Variants in DCAF17 observed in about 807,000 individuals in gnomAD.
DCAF17 encodes the protein DDB1 and CUL4 associated factor 17, also known as DDB1- and CUL4-associated factor 17.
In DCAF17, 48 loss-of-function variants were observed where a neutral mutation model predicts 66.0. The observed-to-expected ratio is 0.73, with a 90% confidence interval of 0.58 to 0.92. The LOEUF is 0.92. Among genes scored for constraint, DCAF17 ranks in the 40% least tolerant of loss-of-function variants. The pLI is 0.00. For synonymous variants in DCAF17, 206 were observed against 214.6 expected (o/e 0.96, Z 0.35); for missense variants, 562 against 622.8 (o/e 0.90, Z 1.04).
chr2:171,436,633 ATT>A (rs79275087), intron 2 of DCAF17, among the ~76,000 whole-genome samples: 227 of 144,524 alleles, frequency 1.6e-3, no homozygotes, highest in African/African-American at 2.7e-3. Flanking sequence ...CCACTTGTAA[ATT>A]TTTTTTTTTT....
At chr2:171,450,726 A>G (rs1051253176) in intron 5 of DCAF17, among the ~76,000 whole-genome samples, 2 of 152,114 alleles carry the variant, frequency 1.3e-5, no homozygotes, top group African/African-American at 4.8e-5. Context: ...AATTTGAACT[A>G]CTTCAGCTGT....
chr2:171,483,168 TCCCAGCTCGCCAGA>T lies in DCAF17; in HGVS notation c.*2055_*2068del, dbSNP rs1488140904. On this transcript the variant is annotated 3_prime_UTR_variant, in exon 14 of 14. Coordinates refer to ENST00000375255, the MANE Select transcript of DCAF17 (RefSeq NM_025000.4). ...ATAGCGAGAGACAATGAAGCATGCTTCCCAGCTCGCCAGAGTGTCACACAGCTGCTCATTCTGCC... is the reference window on the plus strand; with the variant it reads ...ATAGCGAGAGACAATGAAGCATGCTTGTGTCACACAGCTGCTCATTCTGCC... The T allele has an allele frequency of 8.8e-6, 4 of 453,984 alleles. No homozygotes were observed. The highest frequency in any genetic ancestry group is 1.8e-5 in the Non-Finnish European group (4 of 226,796). The allele number at this position is 453,984 out of a possible 1,614,324, so 28.1% of individuals were successfully genotyped here.
At chr2:171,480,709 A>G (rs1475656268) in intron 13 of DCAF17, among the ~76,000 whole-genome samples, 1 of 152,208 alleles carries the variant, frequency 6.6e-6, no homozygotes, top group Admixed American at 6.5e-5. Context: ...ACACAGTGAG[A>G]TAGATAATAG....
Position 171,483,656 on chromosome 2 carries a change from T to A in DCAF17, c.*2542T>A, listed in dbSNP as rs1242746328. Reference sequence around the variant, plus strand: ...GTTTTGTATCTTACAGTTCTTTTTTTAAATAATATATTTATTGAGCACTTT... The same window carrying A: ...GTTTTGTATCTTACAGTTCTTTTTTAAAATAATATATTTATTGAGCACTTT... On this transcript the variant is annotated 3_prime_UTR_variant, in exon 14 of 14. Coordinates refer to ENST00000375255, the MANE Select transcript of DCAF17 (RefSeq NM_025000.4). The A allele has an allele frequency of 2.2e-6, 1 of 453,786 alleles. No individual in the cohort carries two copies. The highest frequency in any genetic ancestry group is 4.4e-6 in the Non-Finnish European group (1 of 226,774). 28.1% of individuals were successfully genotyped at this position (453,786 alleles called of 1,614,324 possible).
At chr2:171,460,177 G>A (rs1695495483) in intron 8 of DCAF17, among the ~76,000 whole-genome samples, 2 of 151,916 alleles carry the variant, frequency 1.3e-5, no homozygotes, top group Admixed American at 1.3e-4. Flanking sequence ...ACAAAAATTA[G>A]CTAGGCACGG....
chr2:171,435,261 G>A, intron 2 of DCAF17, 75 bp downstream of exon 2: 1 of 1,103,646 alleles, frequency 9.1e-7, no homozygotes, highest in Non-Finnish European at 1.4e-6. Flanking sequence ...AGAACCACAT[G>A]CCTACATTAG....
chr2:171,436,960 G>T (rs774240323), intron 2 of DCAF17, among the ~76,000 whole-genome samples: 1 of 151,958 alleles, frequency 6.6e-6, no homozygotes, highest in East Asian at 1.9e-4. Context: ...TTTTGGTAGA[G>T]ACCGGGTTTC....
At chr2:171,449,472 T>C (rs1694824144) in intron 4 of DCAF17, among the ~76,000 whole-genome samples, 1 of 152,244 alleles carries the variant, frequency 6.6e-6, no homozygotes, top group South Asian at 2.1e-4. Context: ...GTCTGCTGTG[T>C]ACAATCCAAG....
intron 5 of DCAF17, among the ~76,000 whole-genome samples, chr2:171,452,734 A>C (rs1695027659): frequency 6.6e-6 from 1 of 152,178 alleles, no homozygotes; most frequent in Non-Finnish European, 1.5e-5. Flanking sequence ...AAAGGGCTGG[A>C]ATTATAGGCG....
At chr2:171,444,366 AT>A (rs1479084877) in intron 3 of DCAF17, among the ~76,000 whole-genome samples, 1 of 152,216 alleles carries the variant, frequency 6.6e-6, no homozygotes, top group Non-Finnish European at 1.5e-5. Context: ...ATGCTCCAAA[AT>A]TCAAAACTTT....
intron 3 of DCAF17, among the ~76,000 whole-genome samples, chr2:171,444,374 C>G (rs979948051): frequency 6.6e-5 from 10 of 152,126 alleles, no homozygotes; most frequent in African/African-American, 2.2e-4. Context: ...AAATTCAAAA[C>G]TTTTTGAATG....
At chr2:171,458,110 G>C (rs926582246) in intron 7 of DCAF17, 35 bp downstream of exon 7, 1 of 1,554,474 alleles carries the variant, frequency 6.4e-7, no homozygotes, top group Admixed American at 1.7e-5. Context: ...GTTACTATTA[G>C]CATGAGTTTT....
In DCAF17 at chr2:171,448,824, A is replaced by G; in HGVS notation, c.458+7A>G. 2 of 1,609,204 alleles carry G rather than the reference A, an allele frequency of 1.2e-6. No homozygotes were observed. Among genetic ancestry groups the G allele is most frequent in the African/African-American group, 2.7e-5 (2 of 74,962 alleles). On this transcript the variant is annotated splice_region_variant and intron_variant, in intron 4 of 13. Coordinates refer to ENST00000375255, the MANE Select transcript of DCAF17 (RefSeq NM_025000.4). Reference sequence around the variant, plus strand: ...CACCTTATTGCAAATTCAGGTATTTACTGTGAATTTATTATTCAAGATTTT... The same window carrying G: ...CACCTTATTGCAAATTCAGGTATTTGCTGTGAATTTATTATTCAAGATTTT...
rs868088660 is a variant in DCAF17 at position 171,480,956 on chromosome 2, G to T, written c.1423-18G>T. 2.5e-6 allele frequency: 4 copies of T among 1,613,446 alleles called. No individual in the cohort carries two copies. Among genetic ancestry groups the T allele is most frequent in the Middle Eastern group, 3.3e-4 (2 of 6,060 alleles). ...TGGCTGTGTGAAAAGGACTCCATAT[G>T]ATTGTGTTTTGTTACAGACATATAG... On this transcript the variant is annotated intron_variant, in intron 13 of 13. Transcript: ENST00000375255.
intron 3 of DCAF17, among the ~76,000 whole-genome samples, chr2:171,444,801 C>T (rs1036057407): frequency 3.9e-5 from 6 of 151,952 alleles, no homozygotes; most frequent in Non-Finnish European, 5.9e-5. Flanking sequence ...AGAGGCTGTA[C>T]GCTAAATTTA....
chr2:171,458,352 T>A lies in DCAF17; in HGVS notation c.733-20T>A, dbSNP rs1186178628. On this transcript the variant is annotated intron_variant, in intron 7 of 13. Transcript: ENST00000375255. ...TAAATAGGTGCTAAAGCCACCATTTTTGTTTTGTTTTGTTTTTAGTTCATG... is the reference window on the plus strand; with the variant it reads ...TAAATAGGTGCTAAAGCCACCATTTATGTTTTGTTTTGTTTTTAGTTCATG... The A allele has an allele frequency of 6.3e-7, 1 of 1,598,480 alleles. No individual in the cohort carries two copies. The highest frequency in any genetic ancestry group is 1.3e-5 in the African/African-American group (1 of 74,680).
intron 5 of DCAF17, among the ~76,000 whole-genome samples, chr2:171,452,724 A>C (rs540692431): frequency 6.6e-6 from 1 of 152,200 alleles, no homozygotes; most frequent in Admixed American, 6.5e-5. Context: ...TTAGCCTCCC[A>C]AAGGGCTGGA....
rs775140323 is a variant in DCAF17 at position 171,476,999 on chromosome 2, A to G, written c.1182+49A>G. The G allele has an allele frequency of 9.7e-6, 13 of 1,340,138 alleles. No individual in the cohort carries two copies. In the South Asian group the frequency reaches 1.3e-4, roughly 13 times the overall value. 83.0% of individuals were successfully genotyped at this position (1,340,138 alleles called of 1,614,324 possible). A position where few individuals can be genotyped will look rare whatever the true frequency, so the allele number is the denominator to read the frequency against. On this transcript the variant is annotated intron_variant, in intron 11 of 13. Coordinates refer to ENST00000375255, the MANE Select transcript of DCAF17 (RefSeq NM_025000.4). ...CCTTTATATATCATTGTCTTTCTAT[A>G]TAAGACTATAATATGCTAATATATT...
chr2:171,455,498 G>A (rs1695207603), intron 6 of DCAF17, among the ~76,000 whole-genome samples: 1 of 152,150 alleles, frequency 6.6e-6, no homozygotes, highest in Non-Finnish European at 1.5e-5. Context: ...ATTTATAATA[G>A]AAGGATTTAT....
Sources: allele counts gnomAD v4.1 joint callset (sites outside exome capture counted in the v4.1 genomes callset), GRCh38; gene constraint gnomAD v4.1.1; transcripts MANE v1.5; gene names NCBI Gene and HGNC (gene_info 2026-07-23, HGNC 2026-07-21).